Variants in GALNT17 observed in about 807,000 individuals in gnomAD.
GALNT17 encodes polypeptide N-acetylgalactosaminyltransferase 17, also known as UDP-GalNAc:polypeptide N-acetylgalactosaminyltransferase-like 3.
GALNT17 carries 29 observed loss-of-function variants against 63.7 expected under a neutral mutation model. The ratio of observed to expected loss-of-function variants is 0.46; its 90% CI spans 0.34 to 0.62. GALNT17 has a LOEUF of 0.62. Ranked by LOEUF, GALNT17 falls within the 20% of genes least tolerant of loss-of-function variation. The probability of loss-of-function intolerance (pLI) is 0.01; values close to 1 mark genes in which losing one functional copy is unlikely to be tolerated. For missense variants in GALNT17, 603 were observed against 799.6 expected (o/e 0.75, Z 2.97); for synonymous variants, 305 against 318.3 (o/e 0.96, Z 0.45).
At chr7:71,654,715 A>C (rs1025439813) in intron 6 of GALNT17, among the ~76,000 whole-genome samples, 1 of 152,042 alleles carries the variant, frequency 6.6e-6, no homozygotes, top group African/African-American at 2.4e-5. Flanking sequence ...CTATGTGCCT[A>C]TGCTTTCAGG....
chr7:71,318,300 T>C (rs1003906762), intron 1 of GALNT17, among the ~76,000 whole-genome samples: 3 of 152,206 alleles, frequency 2.0e-5, no homozygotes, highest in Non-Finnish European at 4.4e-5. Context: ...TTTGGAAATC[T>C]GCTGATGTTG....
intron 1 of GALNT17, among the ~76,000 whole-genome samples, chr7:71,281,520 T>C (rs1790776429): frequency 1.3e-5 from 2 of 152,234 alleles, no homozygotes; most frequent in South Asian, 4.1e-4. Context: ...TCATGTGCTA[T>C]GATGTCCCAG....
intron 2 of GALNT17, among the ~76,000 whole-genome samples, chr7:71,373,704 G>T (rs997984365): frequency 6.6e-6 from 1 of 152,142 alleles, no homozygotes; most frequent in Non-Finnish European, 1.5e-5. Flanking sequence ...CTCCTTATGA[G>T]AATCTAATGC....
chr7:71,492,911 G>A (rs1324211369), intron 5 of GALNT17, among the ~76,000 whole-genome samples: 1 of 152,166 alleles, frequency 6.6e-6, no homozygotes, highest in Non-Finnish European at 1.5e-5. Flanking sequence ...GGGGGCCAGG[G>A]GATCCGCTAT....
intron 5 of GALNT17, among the ~76,000 whole-genome samples, chr7:71,458,796 C>T (rs1225460074): frequency 6.6e-6 from 1 of 152,170 alleles, no homozygotes; most frequent in Non-Finnish European, 1.5e-5. Context: ...TTCAGACGCT[C>T]CTTCTTTTCT....
At chr7:71,252,059 C>T (rs1422038414) in intron 1 of GALNT17, among the ~76,000 whole-genome samples, 1 of 152,146 alleles carries the variant, frequency 6.6e-6, no homozygotes, top group Non-Finnish European at 1.5e-5. Context: ...GCAAATTGTC[C>T]TTCCGACATG....
At chr7:71,659,440 A>T (rs1790874344) in intron 6 of GALNT17, among the ~76,000 whole-genome samples, 1 of 152,310 alleles carries the variant, frequency 6.6e-6, no homozygotes, top group East Asian at 1.9e-4. Context: ...GGGGGTGTAC[A>T]GTCTCACATG....
intron 6 of GALNT17, among the ~76,000 whole-genome samples, chr7:71,614,788 CAG>C (rs1016318200): frequency 2.8e-4 from 41 of 147,316 alleles, no homozygotes; most frequent in African/African-American, 7.6e-4. Flanking sequence ...GAAAGAGAAA[CAG>C]AGAAAGAGAA....
intron 2 of GALNT17, among the ~76,000 whole-genome samples, chr7:71,341,946 G>A (rs950163750): frequency 2.0e-5 from 3 of 152,164 alleles, no homozygotes; most frequent in African/African-American, 7.2e-5. Flanking sequence ...GATGCAGGAG[G>A]ATGCAGGGCT....
chr7:71,672,198 CTAAGACAA>C (rs1470593966), intron 8 of GALNT17, among the ~76,000 whole-genome samples: 2 of 152,066 alleles, frequency 1.3e-5, no homozygotes, highest in South Asian at 2.1e-4. Flanking sequence ...TGGATTATTC[CTAAGACAA>C]TAAGACAATT....
chr7:71,267,686 G>A (rs1790515605), intron 1 of GALNT17, among the ~76,000 whole-genome samples: 1 of 150,176 alleles, frequency 6.7e-6, no homozygotes, highest in Non-Finnish European at 1.5e-5. Context: ...GAGAACAGCA[G>A]GTTTCTTATT....
intron 1 of GALNT17, among the ~76,000 whole-genome samples, chr7:71,148,240 G>A (rs1278455126): frequency 3.3e-5 from 5 of 152,216 alleles, no homozygotes; most frequent in Non-Finnish European, 1.5e-5. Context: ...TGGCATCATA[G>A]TGTCATAGCT....
intron 1 of GALNT17, among the ~76,000 whole-genome samples, chr7:71,260,748 A>G (rs1262502008): frequency 1.3e-5 from 2 of 151,708 alleles, no homozygotes; most frequent in Non-Finnish European, 1.5e-5. Context: ...GTACATGCCA[A>G]CACATCCTGA....
intron 3 of GALNT17, among the ~76,000 whole-genome samples, chr7:71,406,605 T>C (rs1017396709): frequency 2.6e-5 from 4 of 152,198 alleles, no homozygotes; most frequent in African/African-American, 7.2e-5. Context: ...TTAAAGATAA[T>C]ATTTTAAAAC....
chr7:71,450,213 G>A (rs73177405), intron 5 of GALNT17, among the ~76,000 whole-genome samples: 22,724 of 148,358 alleles, frequency 0.15, 1,779 homozygotes, highest in Middle Eastern at 0.22. Flanking sequence ...TCGGCTCACC[G>A]CAAACTCTGC....
At chr7:71,410,868 G>A (rs116205189) in intron 3 of GALNT17, among the ~76,000 whole-genome samples, 1 of 152,130 alleles carries the variant, frequency 6.6e-6, no homozygotes, top group Non-Finnish European at 1.5e-5. Context: ...CTCCTCAAAT[G>A]CTGTTTATCA....
intron 5 of GALNT17, among the ~76,000 whole-genome samples, chr7:71,569,004 C>T (rs1437527519): frequency 6.6e-6 from 1 of 152,156 alleles, no homozygotes; most frequent in Non-Finnish European, 1.5e-5. Flanking sequence ...TGGAGCCTCA[C>T]TCTGTTGCCC....
chr7:71,599,253 G>T (rs1310197637), intron 6 of GALNT17, among the ~76,000 whole-genome samples: 2 of 152,206 alleles, frequency 1.3e-5, no homozygotes, highest in East Asian at 1.9e-4. Context: ...CCTAAGAGGA[G>T]ACTGACTTGG....
intron 3 of GALNT17, among the ~76,000 whole-genome samples, chr7:71,413,662 G>A (rs1793472515): frequency 1.3e-5 from 2 of 151,744 alleles, no homozygotes; most frequent in African/African-American, 4.8e-5. Context: ...ATTTTTAAAC[G>A]TATCTCATCT....
Sources: gnomAD v4.1 joint callset for allele counts (sites outside exome capture counted in the v4.1 genomes callset) on GRCh38, gnomAD v4.1.1 for gene constraint, MANE v1.5 for transcripts, NCBI Gene and HGNC (gene_info 2026-07-23, HGNC 2026-07-21) for gene names.